The following WT1 variants were observed in gnomAD, a reference collection of about 807,000 sequenced individuals.
WT1 encodes the protein WT1 transcription factor.
A neutral mutation model predicts 60.8 loss-of-function variants in WT1; 8 were observed. That is an observed-to-expected ratio of 0.13 (90% confidence interval 0.08 to 0.24). The LOEUF is 0.24. WT1 is among the 10% of genes least tolerant of loss of function. The pLI, the probability that WT1 is intolerant of heterozygous loss-of-function variation, is 1.00. For missense variants in WT1, 568 were observed against 711.8 expected, an observed-to-expected ratio of 0.80 and a Z score of 2.30; for synonymous variants, 312 against 297.1, an observed-to-expected ratio of 1.05 and a Z score of -0.52.
chr11:32,388,698 T>A lies in WT1; in HGVS notation c.*360A>T, dbSNP rs2132894679. 2.6e-6 allele frequency: 1 copy of A among 383,290 alleles called. No individual in the cohort carries two copies. The highest frequency in any genetic ancestry group is 4.2e-5 in the East Asian group (1 of 23,946). 23.7% of individuals were successfully genotyped at this position (383,290 alleles called of 1,614,324 possible). A position where few individuals can be genotyped will look rare whatever the true frequency, so the allele number is the denominator to read the frequency against. On this transcript the variant is annotated 3_prime_UTR_variant, in exon 10 of 10. Coordinates refer to ENST00000452863, the MANE Select transcript of WT1 (RefSeq NM_024426.6). ...TATTCCATGATAGAAAATGGTACAA[T>A]AATTCCATCCCCAGCGAAAACGAGC...
At chr11:32,428,919 T>C in intron 1 of WT1, 1 of 464,118 alleles carries the variant, frequency 2.2e-6, no homozygotes, top group South Asian at 2.1e-5. Context: ...AGCGAACCCC[T>C]GGCAAATTAA....
chr11:32,403,399 T>C (rs1056042753), intron 5 of WT1, among the ~76,000 whole-genome samples: 2 of 152,148 alleles, frequency 1.3e-5, no homozygotes. Flanking sequence ...AAAGGCCATC[T>C]ACACCAACCC....
chr11:32,392,563 C>A, intron 8 of WT1, 103 bp downstream of exon 8: 3 of 1,133,980 alleles, frequency 2.6e-6, no homozygotes, highest in Non-Finnish European at 4.0e-6. Context: ...AAACTAAACA[C>A]ATGGCTGACT....
chr11:32,430,410 G>T, intron 1 of WT1: 1 of 1,350,112 alleles, frequency 7.4e-7, no homozygotes, highest in East Asian at 2.6e-5. Flanking sequence ...TAAAAAGAGA[G>T]AGAGAGAAAG....
chr11:32,418,970 G>A (rs1343977524), intron 3 of WT1, among the ~76,000 whole-genome samples: 3 of 152,112 alleles, frequency 2.0e-5, no homozygotes, highest in African/African-American at 4.8e-5. Flanking sequence ...AGTATGTGCC[G>A]TTTCATTAGT....
intron 3 of WT1, among the ~76,000 whole-genome samples, chr11:32,423,086 G>A (rs1360816970): frequency 6.6e-6 from 1 of 152,184 alleles, no homozygotes; most frequent in East Asian, 1.9e-4. Context: ...CAGCAGAAAA[G>A]GCCCAGCTAG....
At chr11:32,413,037 G>A (rs530242353) in intron 5 of WT1, among the ~76,000 whole-genome samples, 1 of 152,126 alleles carries the variant, frequency 6.6e-6, no homozygotes, top group Non-Finnish European at 1.5e-5. Flanking sequence ...GACTTGCTTG[G>A]GATACAAGGA....
At chr11:32,408,536 AAAAAAAAG>A (rs1852396029) in intron 5 of WT1, among the ~76,000 whole-genome samples, 1 of 135,572 alleles carries the variant, frequency 7.4e-6, no homozygotes. Flanking sequence ...AAAAAAAAAA[AAAAAAAAG>A]AAAGAAAGAA....
intron 5 of WT1, among the ~76,000 whole-genome samples, chr11:32,407,179 A>G (rs1229047931): frequency 6.6e-6 from 1 of 152,196 alleles, no homozygotes; most frequent in East Asian, 1.9e-4. Flanking sequence ...TGTCCCTCAT[A>G]TAACACAAAT....
chr11:32,411,002 G>A (rs1852480764), intron 5 of WT1, among the ~76,000 whole-genome samples: 1 of 151,518 alleles, frequency 6.6e-6, no homozygotes, highest in Admixed American at 6.6e-5. Context: ...GATAGGAGAA[G>A]TCCAAATACT....
At chr11:32,398,045 C>T (rs1366143863) in intron 6 of WT1, among the ~76,000 whole-genome samples, 8 of 152,078 alleles carry the variant, frequency 5.3e-5, no homozygotes, top group East Asian at 3.9e-4. Flanking sequence ...GTAAGGGTCC[C>T]GGTGAAGGAT....
chr11:32,424,541 C>T (rs371527573), intron 3 of WT1, among the ~76,000 whole-genome samples: 3 of 152,298 alleles, frequency 2.0e-5, no homozygotes, highest in African/African-American at 7.2e-5. Flanking sequence ...GGGCAGACAC[C>T]TGGTTTCAGA....
At chr11:32,431,144 G>C (rs1240271586) in intron 1 of WT1, among the ~76,000 whole-genome samples, 2 of 152,184 alleles carry the variant, frequency 1.3e-5, no homozygotes, top group Non-Finnish European at 2.9e-5. Context: ...GCCGGGAACC[G>C]CCTGGCCTGG....
At chr11:32,428,188 G>T in intron 2 of WT1, 130 bp from the exon 3 acceptor site, 1 of 932,184 alleles carries the variant, frequency 1.1e-6, no homozygotes, top group Non-Finnish European at 1.6e-6. Flanking sequence ...GCGGCGTGCA[G>T]AGCGAGGCCG....
At chr11:32,403,925 T>C (rs917138906) in intron 5 of WT1, among the ~76,000 whole-genome samples, 5 of 151,934 alleles carry the variant, frequency 3.3e-5, no homozygotes, top group African/African-American at 9.7e-5. Context: ...CTCTGCCCCA[T>C]TGTAAACTTG....
chr11:32,394,797 G>A (rs914072729), intron 7 of WT1, among the ~76,000 whole-genome samples: 3 of 152,172 alleles, frequency 2.0e-5, no homozygotes, highest in African/African-American at 4.8e-5. Flanking sequence ...GTGGGTCTGG[G>A]GTTTTGGCTG....
At chr11:32,423,915 C>G (rs1300984443) in intron 3 of WT1, among the ~76,000 whole-genome samples, 1 of 152,154 alleles carries the variant, frequency 6.6e-6, no homozygotes, top group Non-Finnish European at 1.5e-5. Context: ...GTAATTCCAG[C>G]ACTTTGGGAG....
intron 3 of WT1, among the ~76,000 whole-genome samples, chr11:32,421,974 A>G (rs772705932): frequency 1.2e-4 from 18 of 152,358 alleles, no homozygotes; most frequent in Middle Eastern, 6.8e-3. Context: ...AAAGGCTCAA[A>G]GTAGACATAA....
Position 32,427,816 on chromosome 11 carries a change from GGAGTC to G in WT1, c.887+135_887+139del, listed in dbSNP as rs1469196730. On this transcript the variant is annotated intron_variant, in intron 3 of 9. Transcript: ENST00000452863. ...TTTAATTTCCTCTAAGTAGTAGAGTGGAGTCGAGGCGTCTCGTGCCTCCAAGACCC... is the reference window on the plus strand; with the variant it reads ...TTTAATTTCCTCTAAGTAGTAGAGTGGAGGCGTCTCGTGCCTCCAAGACCC... 9.8e-5 allele frequency: 61 copies of G among 621,264 alleles called. No homozygotes were observed. In the East Asian group the frequency reaches 1.6e-3, roughly 17 times the overall value. The allele number at this position is 621,264 out of a possible 1,614,324, so 38.5% of individuals were successfully genotyped here.
Sources: allele counts gnomAD v4.1 joint callset (sites outside exome capture counted in the v4.1 genomes callset), GRCh38; gene constraint gnomAD v4.1.1; transcripts MANE v1.5; gene names NCBI Gene and HGNC (gene_info 2026-07-23, HGNC 2026-07-21).